Variants in DGKB observed in about 807,000 individuals in gnomAD.
The protein encoded by DGKB is diacylglycerol kinase beta, also known as 90 kDa diacylglycerol kinase.
In DGKB, 67 loss-of-function variants were observed where a neutral mutation model predicts 114.3. That is an observed-to-expected ratio of 0.59 (90% CI 0.48 to 0.72). The LOEUF (loss-of-function observed/expected upper bound fraction) is 0.72, where lower values mean the gene tolerates loss of function less well. Ranked by LOEUF, DGKB falls within the 30% of genes least tolerant of loss-of-function variation. The probability of loss-of-function intolerance (pLI) is 0.00; values close to 1 mark genes in which losing one functional copy is unlikely to be tolerated. For synonymous variants in DGKB, 398 were observed against 323.1 expected, an observed-to-expected ratio of 1.23 and a Z score of -2.49; for missense variants, 907 against 975.2, an observed-to-expected ratio of 0.93 and a Z score of 0.93.
upstream of DGKB, among the ~76,000 whole-genome samples, chr7:14,903,654 A>G (rs1349338058): frequency 6.6e-6 from 1 of 152,176 alleles, no homozygotes; most frequent in African/African-American, 2.4e-5. Context: ...GGAGCAGGTG[A>G]CTGGAGGATG....
chr7:14,646,962 A>G (rs1171169320), intron 13 of DGKB, among the ~76,000 whole-genome samples: 1 of 151,940 alleles, frequency 6.6e-6, no homozygotes, highest in Non-Finnish European at 1.5e-5. Flanking sequence ...GGAAGAAAAA[A>G]ATAATAAAGA....
chr7:14,595,975 T>C (rs935102209), intron 17 of DGKB, among the ~76,000 whole-genome samples: 2 of 152,142 alleles, frequency 1.3e-5, no homozygotes, highest in African/African-American at 4.8e-5. Context: ...GGCATTTCAA[T>C]TTTTTGTTCA....
At position 14,273,036 on chromosome 7, in the gene DGKB, C is replaced by T. The variant is rs566906055; in HGVS notation, c.2122+65479G>A. ...AAATGTGTTTGTTACACTATTAGTT[C>T]TGAATTCATTAGAAAGATCACAGTG... On this transcript the variant is annotated intron_variant, in intron 23 of 25. Transcript: ENST00000402815. 1.6e-3 allele frequency among the ~76,000 whole-genome samples: 237 copies of T among 152,192 alleles called. 2 individuals carry two copies. Among genetic ancestry groups the T allele is most frequent in the Middle Eastern group, 0.01 (3 of 294 alleles).
intron 20 of DGKB, among the ~76,000 whole-genome samples, chr7:14,534,104 TTTTG>T (rs1241279293): frequency 1.1e-4 from 17 of 152,140 alleles, no homozygotes; most frequent in Non-Finnish European, 2.1e-4. Flanking sequence ...TCACCACAAA[TTTTG>T]TTTAATAAAT....
chr7:14,465,423 G>T (rs1216600015), intron 21 of DGKB, among the ~76,000 whole-genome samples: 9 of 152,292 alleles, frequency 5.9e-5, no homozygotes, highest in East Asian at 1.9e-4. Context: ...AAGAGAGTCA[G>T]AATGTCCTGG....
intron 23 of DGKB, among the ~76,000 whole-genome samples, chr7:14,321,286 G>C (rs142006656): frequency 2.0e-3 from 308 of 151,946 alleles, no homozygotes; most frequent in African/African-American, 7.0e-3. Flanking sequence ...GTGATACCCT[G>C]TCTCAGAAAA....
chr7:14,623,455 T>A (rs1009943174), intron 14 of DGKB, among the ~76,000 whole-genome samples: 25 of 152,198 alleles, frequency 1.6e-4, no homozygotes, highest in African/African-American at 5.8e-4. Flanking sequence ...TTATTAAGTA[T>A]AATCACCCTT....
chr7:14,910,388 A>G (rs1234821733), intron 1 of DGKB, among the ~76,000 whole-genome samples: 1 of 152,114 alleles, frequency 6.6e-6, no homozygotes, highest in African/African-American at 2.4e-5. Flanking sequence ...ATGATAAGTA[A>G]TTTATTATGC....
rs183180862 is a variant in DGKB at position 14,953,964 on chromosome 7, C to G, written c.-188+20732G>C. ...AATGCAAATTCTGAGCCTTTCCCAC[C>G]AGCCCAACTGAAGAAGAAATTCTGG... On this transcript the variant is annotated intron_variant, in intron 1 of 4. Coordinates refer to the DGKB transcript ENST00000437998. Among the ~76,000 whole-genome samples, 188 of 152,188 alleles carry G rather than the reference C, an allele frequency of 1.2e-3. 2 individuals are homozygous for G. Among genetic ancestry groups the G allele is most frequent in the African/African-American group, 4.4e-3 (184 of 41,558 alleles).
intron 20 of DGKB, among the ~76,000 whole-genome samples, chr7:14,527,587 A>G (rs967806813): frequency 9.9e-5 from 15 of 152,034 alleles, no homozygotes; most frequent in South Asian, 4.1e-4. Flanking sequence ...TGCATACTTG[A>G]CTCTATATAA....
chr7:14,418,573 C>G (rs1826160170), intron 21 of DGKB, among the ~76,000 whole-genome samples: 1 of 151,572 alleles, frequency 6.6e-6, no homozygotes, highest in Non-Finnish European at 1.5e-5. Flanking sequence ...TATTGAAACC[C>G]TGATGGTTTG....
intron 20 of DGKB, among the ~76,000 whole-genome samples, chr7:14,556,873 C>A (rs1239895375): frequency 2.0e-5 from 3 of 152,126 alleles, no homozygotes; most frequent in Non-Finnish European, 4.4e-5. Context: ...CCCTTTTAAT[C>A]TGCATTCTGA....
Position 14,149,095 on chromosome 7 carries a change from T to C in DGKB, c.*36A>G, listed in dbSNP as rs1781793272. On this transcript the variant is annotated 3_prime_UTR_variant, in exon 26 of 26. Coordinates refer to ENST00000402815, the MANE Select transcript of DGKB (RefSeq NM_001350709.2). ...GCATATGTGTTCCATGGCCCAATTA[T>C]GCTAATTCAATTTCTAAGAGTGAAA... 3 of 1,556,036 alleles carry C rather than the reference T, an allele frequency of 1.9e-6. No individual in the cohort carries two copies. Among genetic ancestry groups the C allele is most frequent in the South Asian group, 2.2e-5 (2 of 89,892 alleles).
chr7:14,662,048 C>A (rs1445269855), intron 13 of DGKB, among the ~76,000 whole-genome samples: 3 of 151,792 alleles, frequency 2.0e-5, no homozygotes, highest in African/African-American at 7.3e-5. Context: ...CACTCTGGGG[C>A]CCGTTGTGGG....
intron 2 of DGKB, among the ~76,000 whole-genome samples, chr7:14,819,355 G>A (rs1014178348): frequency 3.9e-5 from 6 of 152,168 alleles, no homozygotes; most frequent in South Asian, 2.1e-4. Context: ...GGGAGGCAGA[G>A]GCGGGTGAAC....
rs182632035 is a variant in DGKB at position 14,332,772 on chromosome 7, G to A, written c.2122+5743C>T. ...CAGTGGAGTCCTTGCTGGGTTTTGG[G>A]AAATTCTGCCCGAAGAAAAGAGTAT... On this transcript the variant is annotated intron_variant, in intron 23 of 25. Transcript: ENST00000402815. Among the ~76,000 whole-genome samples, 435 of 152,214 alleles carry A rather than the reference G, an allele frequency of 2.9e-3. 1 individual carries two copies. The highest frequency in any genetic ancestry group is 4.8e-3 in the Admixed American group (73 of 15,296).
chr7:14,714,420 G>T (rs772761181), intron 6 of DGKB, among the ~76,000 whole-genome samples: 1 of 152,022 alleles, frequency 6.6e-6, no homozygotes, highest in Non-Finnish European at 1.5e-5. Flanking sequence ...GAGTCAGATC[G>T]GTGTATGCAC....
At chr7:14,185,044 G>C (rs1033243281) in intron 23 of DGKB, among the ~76,000 whole-genome samples, 8 of 152,120 alleles carry the variant, frequency 5.3e-5, no homozygotes, top group African/African-American at 1.9e-4. Context: ...ACTAGAGAAA[G>C]AAGTAAAGGG....
chr7:14,528,734 G>C (rs1415119474), intron 20 of DGKB, among the ~76,000 whole-genome samples: 1 of 151,996 alleles, frequency 6.6e-6, no homozygotes, highest in Non-Finnish European at 1.5e-5. Context: ...TGATTCATTA[G>C]AGCAATATAT....
Sources: allele counts gnomAD v4.1 joint callset (sites outside exome capture counted in the v4.1 genomes callset), GRCh38; gene constraint gnomAD v4.1.1; transcripts MANE v1.5; gene names NCBI Gene and HGNC (gene_info 2026-07-23, HGNC 2026-07-21).